GAPDH: variants seen among roughly 807,000 people sequenced by gnomAD.
The protein encoded by GAPDH is OCAS, p38 component.
In GAPDH, 13 loss-of-function variants were observed where a neutral mutation model predicts 31.2. The observed-to-expected ratio is 0.42, with a 90% CI of 0.27 to 0.66. The LOEUF is 0.66. Among genes scored for constraint, GAPDH ranks in the 30% least tolerant of loss-of-function variants. The pLI, the probability that GAPDH is intolerant of heterozygous loss-of-function variation, is 0.26. For synonymous variants in GAPDH, 211 were observed against 166.9 expected, an observed-to-expected ratio of 1.26 and a Z score of -2.04; for missense variants, 300 against 443.7, an observed-to-expected ratio of 0.68 and a Z score of 2.91.
intron 1 of GAPDH, 73 bp downstream of exon 1, chr12:6,534,642 T>A (rs1484836975): frequency 6.2e-6 from 4 of 650,222 alleles, no homozygotes; most frequent in Admixed American, 2.3e-5. Flanking sequence ...GCAGGCCGGA[T>A]GTGTTCGCGC....
At chr12:6,535,155 CT>C (rs1946435036) in intron 2 of GAPDH, 1 of 1,048,010 alleles carries the variant, frequency 9.5e-7, no homozygotes, top group Admixed American at 4.1e-5. Context: ...GTGGGGGACG[CT>C]TTCTTTCCTT....
chr12:6,535,638 G>C (rs996742795), intron 2 of GAPDH, among the ~76,000 whole-genome samples: 3 of 152,028 alleles, frequency 2.0e-5, no homozygotes, highest in African/African-American at 7.3e-5. Flanking sequence ...CTGCAGCGCC[G>C]GCTCACCTCA....
rs1946416317 is a variant in GAPDH, at chr12:6,534,617, G to T, written c.-24+48G>T. ...CCGGGAGGCTAGGGACGGCCTGAAG[G>T]CGGCAGGGGCGGGCGCAGGCCGGAT... On this transcript the variant is annotated intron_variant, in intron 1 of 8. Transcript: ENST00000229239. The T allele has an allele frequency of 6.8e-6, 4 of 589,974 alleles. No homozygotes were observed. The Admixed American group carries it at 1.2e-4, about 18-fold the overall frequency. 36.5% of individuals were successfully genotyped at this position (589,974 alleles called of 1,614,324 possible).
chr12:6,534,975 C>T (rs746570247), intron 2 of GAPDH, 114 bp downstream of exon 2: 7 of 1,213,646 alleles, frequency 5.8e-6, no homozygotes, highest in Non-Finnish European at 7.1e-6. Context: ...AGCTGTTCCC[C>T]GCAAGGAGAG....
intron 4 of GAPDH, 44 bp downstream of exon 4, chr12:6,536,834 A>T (rs1166677718): frequency 1.3e-6 from 2 of 1,582,476 alleles, no homozygotes; most frequent in Non-Finnish European, 1.7e-6. Context: ...TGGGGAGGCA[A>T]CTAGGATGGT....
intron 2 of GAPDH, among the ~76,000 whole-genome samples, chr12:6,536,237 C>T (rs550495245): frequency 1.1e-4 from 16 of 152,188 alleles, no homozygotes; most frequent in Non-Finnish European, 7.3e-5. Context: ...GTGGCAGTGC[C>T]CCACATGGCC....
rs1025498919 is a variant in GAPDH, at chr12:6,534,550, A to T, written c.-43A>T. The T allele has an allele frequency of 5.9e-6, 3 of 512,686 alleles. No individual in the cohort carries two copies. The highest frequency in any genetic ancestry group is 2.1e-5 in the South Asian group (1 of 47,856). 31.8% of individuals were successfully genotyped at this position (512,686 alleles called of 1,614,324 possible). On this transcript the variant is annotated 5_prime_UTR_variant, in exon 1 of 9. Transcript: ENST00000229239. ...CTCCTCCTGTTCGACAGTCAGCCGC[A>T]TCTTCTTTTGCGTCGCCAGGTGAAG...
chr12:6,534,986 C>A, intron 2 of GAPDH, 125 bp downstream of exon 2: 2 of 1,148,338 alleles, frequency 1.7e-6, no homozygotes, highest in Non-Finnish European at 2.5e-6. Flanking sequence ...GCAAGGAGAG[C>A]TCAAGGTCAG....
chr12:6,537,817 CA>C lies in GAPDH; in HGVS notation c.762del (p.Lys254AsnfsTer9). The C allele has an allele frequency of 6.2e-7, 1 of 1,612,012 alleles. No homozygotes were observed. The highest frequency in any genetic ancestry group is 8.5e-7 in the Non-Finnish European group (1 of 1,179,884). ...DLTCRLEKPA[K>X]YDDIKKVVKQ... is the part of the protein sequence containing the mutation. ...TGACCTGCCGTCTAGAAAAACCTGC[CA>C]AATATGATGACATCAAGAAGGTGGT... On this transcript the variant is annotated frameshift_variant, in exon 8 of 9. Transcript: ENST00000229239. LOFTEE classifies it high-confidence loss of function. This position sits in a 1 kb window ranked among gnomAD's most constrained non-coding sequence, Gnocchi z 4.9.
chr12:6,537,377 TG>T lies in GAPDH; in HGVS notation c.514del (p.Glu172LysfsTer4). On this transcript the variant is annotated frameshift_variant, in exon 7 of 9. Transcript: ENST00000229239. LOFTEE classifies it high-confidence loss of function. The surrounding 1 kb of genome is among the most constrained non-coding windows in gnomAD (Gnocchi z 4.9). ...GTCATCCATGACAACTTTGGTATCG[TG>T]GAAGGACTCATGGTATGAGAGCTGG... The part of the protein sequence containing the change: ...AKVIHDNFGI[V>X]EGLMTTVHAI... 1 of 1,609,120 alleles carries T rather than the reference TG, an allele frequency of 6.2e-7. No homozygotes were observed. Among genetic ancestry groups the T allele is most frequent in the Non-Finnish European group, 8.5e-7 (1 of 1,179,716 alleles).
At chr12:6,535,547 C>A in intron 2 of GAPDH, 2 of 706,246 alleles carry the variant, frequency 2.8e-6, no homozygotes, top group Non-Finnish European at 3.5e-6. Flanking sequence ...GGCATGGTGC[C>A]AAGCCGGGAG....
chr12:6,534,653 C>A (rs1946417134), intron 1 of GAPDH, 84 bp downstream of exon 1: 1 of 696,726 alleles, frequency 1.4e-6, no homozygotes, highest in Non-Finnish European at 2.5e-6. Context: ...GTGTTCGCGC[C>A]GCTGCGGGGT....
chr12:6,537,080 C>G lies in GAPDH; in HGVS notation c.328-21C>G, dbSNP rs767544699. On this transcript the variant is annotated intron_variant, in intron 5 of 8. Coordinates refer to ENST00000229239, the MANE Select transcript of GAPDH (RefSeq NM_002046.7). This position sits in a 1 kb window ranked among gnomAD's most constrained non-coding sequence, Gnocchi z 4.9. ...GCAAAGGCAGGACCCGGGTTCATAA[C>G]TGTCTGCTTCTCTGCTGTAGGCTCA... is the stretch of plus-strand genomic sequence containing the variant. 1.9e-6 allele frequency: 3 copies of G among 1,608,882 alleles called. No homozygotes were observed. The highest frequency in any genetic ancestry group is 2.5e-6 in the Non-Finnish European group (3 of 1,177,900).
chr12:6,537,413 C>T lies in GAPDH; in HGVS notation c.525+23C>T, dbSNP rs1482189496. 9 of 1,600,338 alleles carry T rather than the reference C, an allele frequency of 5.6e-6. No homozygotes were observed. Among genetic ancestry groups the T allele is most frequent in the Non-Finnish European group, 7.7e-6 (9 of 1,171,144 alleles). On this transcript the variant is annotated intron_variant, in intron 7 of 8. Transcript: ENST00000229239. This position sits in a 1 kb window ranked among gnomAD's most constrained non-coding sequence, Gnocchi z 4.9. The stretch of plus-strand genomic sequence containing the variant: ...ATGGTATGAGAGCTGGGGAATGGGA[C>T]TGAGGCTCCCACCTTTCTCATCCAA...
In GAPDH at chr12:6,536,903, C is replaced by A; in HGVS notation, c.237-17C>A. 9.0e-6 allele frequency: 14 copies of A among 1,553,642 alleles called. No individual in the cohort carries two copies. The highest frequency in any genetic ancestry group is 4.5e-5 in the South Asian group (4 of 89,716). ...CCTCAATATGGTCCTGTCCCCATCT[C>A]CCCCCCACCCCCATAGGCGAGATCC... On this transcript the variant is annotated splice_polypyrimidine_tract_variant and intron_variant, in intron 4 of 8. Coordinates refer to ENST00000229239, the MANE Select transcript of GAPDH (RefSeq NM_002046.7).
chr12:6,534,989 A>C, intron 2 of GAPDH, 128 bp downstream of exon 2: 1 of 1,118,256 alleles, frequency 8.9e-7, no homozygotes, highest in Non-Finnish European at 1.3e-6. Context: ...AGGAGAGCTC[A>C]AGGTCAGCGC....
At position 6,537,878 on chromosome 12, in the gene GAPDH, C is replaced by G; in HGVS notation, c.820C>G (p.Leu274Val). Residue 274 changes from leucine (L) to valine (V), a missense_variant, in exon 8 of 9, where the codon CTG becomes GTG. Physicochemically the swap from Leu to Val is conservative, Grantham distance 32. Coordinates refer to ENST00000229239, the MANE Select transcript of GAPDH (RefSeq NM_002046.7). This position sits in a 1 kb window ranked among gnomAD's most constrained non-coding sequence, Gnocchi z 4.9. ...GTCGGAGGGCCCCCTCAAGGGCATC[C>G]TGGGCTACACTGAGCACCAGGTGGT... The part of the protein sequence containing the change: ...QASEGPLKGI[L>V]GYTEHQVVSS... The G allele has an allele frequency of 1.2e-6, 2 of 1,613,666 alleles. No homozygotes were observed. Among genetic ancestry groups the G allele is most frequent in the Non-Finnish European group, 1.7e-6 (2 of 1,180,022 alleles).
chr12:6,535,043 C>G (rs976656934), intron 2 of GAPDH, 182 bp downstream of exon 2: 2 of 803,784 alleles, frequency 2.5e-6, no homozygotes, highest in African/African-American at 1.8e-5. Context: ...GCGCCCTGTG[C>G]AGCTCCGCCC....
chr12:6,535,410 G>T, intron 2 of GAPDH: 9 of 988,920 alleles, frequency 9.1e-6, no homozygotes, highest in Non-Finnish European at 1.1e-5. Flanking sequence ...AAGTCAGGTG[G>T]AGCGAGGCTA....
Sources: gnomAD v4.1 joint callset for allele counts (sites outside exome capture counted in the v4.1 genomes callset) on GRCh38, gnomAD v4.1.1 for gene constraint, Gnocchi (gnomAD v3.1) non-coding constraint, MANE v1.5 for transcripts, NCBI Gene and HGNC (gene_info 2026-07-23, HGNC 2026-07-21) for gene names.